CNTNAP2: variants seen among roughly 807,000 people sequenced by gnomAD.
The protein encoded by CNTNAP2 is contactin associated protein 2.
Under a neutral mutation model 155.2 loss-of-function variants are expected in CNTNAP2, and 98 were observed. That is an observed-to-expected ratio of 0.63 (90% CI 0.54 to 0.75). The LOEUF is 0.75. Ranked by LOEUF, CNTNAP2 falls within the 30% of genes least tolerant of loss-of-function variation. The pLI, the probability that CNTNAP2 is intolerant of heterozygous loss-of-function variation, is 0.00. For synonymous variants in CNTNAP2, 651 were observed against 631.2 expected, an observed-to-expected ratio of 1.03 and a Z score of -0.47; for missense variants, 1,727 against 1,688.1, an observed-to-expected ratio of 1.02 and a Z score of -0.40.
intron 19 of CNTNAP2, among the ~76,000 whole-genome samples, chr7:148,222,291 G>C (rs886316772): frequency 2.6e-5 from 4 of 152,342 alleles, no homozygotes; most frequent in East Asian, 3.9e-4. Context: ...ATTTCTTATA[G>C]TTATGGAGGC....
At chr7:146,622,349 G>A (rs1042086506) in intron 1 of CNTNAP2, among the ~76,000 whole-genome samples, 1 of 151,450 alleles carries the variant, frequency 6.6e-6, no homozygotes, top group Non-Finnish European at 1.5e-5. Context: ...AAGGAATCCT[G>A]GTTTTTGTTG....
chr7:147,836,475 C>A (rs138514713), intron 13 of CNTNAP2, among the ~76,000 whole-genome samples: 62 of 152,242 alleles, frequency 4.1e-4, no homozygotes, highest in Middle Eastern at 3.4e-3. Context: ...CACCACCTCC[C>A]CAGTCAACAT....
chr7:147,349,210 T>C (rs909647073), intron 9 of CNTNAP2, among the ~76,000 whole-genome samples: 97 of 152,068 alleles, frequency 6.4e-4, no homozygotes, highest in African/African-American at 2.1e-3. Context: ...CTGACCGTTA[T>C]ACATTATATG....
chr7:148,248,184 T>G (rs1285536508), intron 20 of CNTNAP2, among the ~76,000 whole-genome samples: 1 of 147,436 alleles, frequency 6.8e-6, no homozygotes, highest in Non-Finnish European at 1.5e-5. Context: ...AGTCACAGAT[T>G]AGTTTTACCT....
At chr7:147,184,999 C>T (rs907983584) in intron 8 of CNTNAP2, among the ~76,000 whole-genome samples, 1 of 152,028 alleles carries the variant, frequency 6.6e-6, no homozygotes, top group African/African-American at 2.4e-5. Flanking sequence ...TAATATCTAA[C>T]ACATAGGGGA....
At chr7:146,182,893 A>G (rs542971411) in intron 1 of CNTNAP2, among the ~76,000 whole-genome samples, 58 of 152,128 alleles carry the variant, frequency 3.8e-4, no homozygotes, top group Middle Eastern at 3.4e-3. Flanking sequence ...CCAATTTTCT[A>G]TCTAGGTCCT....
chr7:148,005,801 G>A (rs1801965857), intron 15 of CNTNAP2, among the ~76,000 whole-genome samples: 1 of 152,166 alleles, frequency 6.6e-6, no homozygotes, highest in Admixed American at 6.5e-5. Context: ...CTGCTTCAGT[G>A]GTCCAGCACG....
intron 1 of CNTNAP2, among the ~76,000 whole-genome samples, chr7:146,528,051 A>G (rs1797716889): frequency 6.6e-6 from 1 of 152,154 alleles, no homozygotes; most frequent in Non-Finnish European, 1.5e-5. Flanking sequence ...CTTTCTATTG[A>G]TATAATTACC....
chr7:147,831,535 G>A (rs1012510748), intron 13 of CNTNAP2, among the ~76,000 whole-genome samples: 2 of 152,162 alleles, frequency 1.3e-5, no homozygotes, highest in African/African-American at 4.8e-5. Flanking sequence ...GGAGAACAAC[G>A]TGTAAGACAC....
At chr7:146,828,688 A>G (rs1048131736) in intron 2 of CNTNAP2, among the ~76,000 whole-genome samples, 11 of 152,142 alleles carry the variant, frequency 7.2e-5, no homozygotes, top group Non-Finnish European at 1.0e-4. Context: ...TTTTCAGGAC[A>G]TTAAAAAAAT....
At chr7:146,917,468 T>C in intron 3 of CNTNAP2, among the ~76,000 whole-genome samples, 1 of 152,202 alleles carries the variant, frequency 6.6e-6, no homozygotes, top group Non-Finnish European at 1.5e-5. Flanking sequence ...TAAGTAATTG[T>C]TGTATAAATA....
At chr7:146,515,734 G>T (rs766148562) in intron 1 of CNTNAP2, among the ~76,000 whole-genome samples, 1 of 151,946 alleles carries the variant, frequency 6.6e-6, no homozygotes, top group African/African-American at 2.4e-5. Flanking sequence ...AGTTCTTATT[G>T]TCAGAAAACC....
intron 8 of CNTNAP2, among the ~76,000 whole-genome samples, chr7:147,295,632 C>T (rs1172882625): frequency 6.6e-6 from 1 of 152,158 alleles, no homozygotes; most frequent in Non-Finnish European, 1.5e-5. Flanking sequence ...CTATTCTTCT[C>T]TGGAGACAGC....
intron 18 of CNTNAP2, among the ~76,000 whole-genome samples, chr7:148,180,166 A>G (rs1214651487): frequency 6.6e-6 from 1 of 152,236 alleles, no homozygotes; most frequent in East Asian, 1.9e-4. Context: ...CTACCTATCC[A>G]GTCTTAATAA....
intron 13 of CNTNAP2, among the ~76,000 whole-genome samples, chr7:147,650,650 G>A (rs929995648): frequency 2.0e-5 from 3 of 152,032 alleles, no homozygotes; most frequent in Non-Finnish European, 2.9e-5. Flanking sequence ...CATATAAAAT[G>A]TGTGTTAATT....
At chr7:147,778,902 T>C (rs1797626196) in intron 13 of CNTNAP2, among the ~76,000 whole-genome samples, 1 of 152,216 alleles carries the variant, frequency 6.6e-6, no homozygotes, top group African/African-American at 2.4e-5. Context: ...AACAAACCCA[T>C]AGTTGACCTC....
chr7:146,906,379 C>T (rs1190472318), intron 3 of CNTNAP2, among the ~76,000 whole-genome samples: 7 of 152,134 alleles, frequency 4.6e-5, no homozygotes, highest in Non-Finnish European at 8.8e-5. Flanking sequence ...ACAGCAGTAA[C>T]CTCTGCAGAC....
intron 13 of CNTNAP2, among the ~76,000 whole-genome samples, chr7:147,692,321 C>T (rs1796098517): frequency 6.6e-6 from 1 of 152,058 alleles, no homozygotes; most frequent in Non-Finnish European, 1.5e-5. Context: ...AACATCCTTG[C>T]ACAGACTTTT....
In CNTNAP2 at chr7:147,042,091, A is replaced by G. The variant is rs147529261; in HGVS notation, c.403-1816A>G. The stretch of plus-strand genomic sequence containing the variant: ...TTGTTTTTCTGATGAAATTTTGTCA[A>G]CAAGATGCAATGAGGATGCTCTATT... On this transcript the variant is annotated intron_variant, in intron 3 of 23. Coordinates refer to ENST00000361727, the MANE Select transcript of CNTNAP2 (RefSeq NM_014141.6). Among the ~76,000 whole-genome samples the G allele has an allele frequency of 3.7e-3, 567 of 152,322 alleles. 8 individuals are homozygous for G. Among genetic ancestry groups the G allele is most frequent in the Middle Eastern group, 0.014 (4 of 294 alleles).
Sources: allele counts gnomAD v4.1 joint callset (sites outside exome capture counted in the v4.1 genomes callset), GRCh38; gene constraint gnomAD v4.1.1; transcripts MANE v1.5; gene names NCBI Gene and HGNC (gene_info 2026-07-23, HGNC 2026-07-21).